TCF7L2: variants seen among roughly 807,000 people sequenced by gnomAD.
The protein encoded by TCF7L2 is transcription factor 7-like 2.
A neutral mutation model predicts 77.9 loss-of-function variants in TCF7L2; 23 were observed. That is an observed-to-expected ratio of 0.30 (90% confidence interval 0.21 to 0.42). The LOEUF is 0.42. TCF7L2 is among the 10% of genes least tolerant of loss of function. The probability of loss-of-function intolerance (pLI) is 1.00; values close to 1 mark genes in which losing one functional copy is unlikely to be tolerated. For missense variants in TCF7L2, 654 were observed against 793.1 expected (o/e 0.82, Z 2.11); for synonymous variants, 413 against 340.2 (o/e 1.21, Z -2.36).
At chr10:113,002,322 G>A (rs2044635280) in intron 4 of TCF7L2, among the ~76,000 whole-genome samples, 1 of 152,120 alleles carries the variant, frequency 6.6e-6, no homozygotes, top group South Asian at 2.1e-4. Context: ...GTTTAGGTCG[G>A]CGGTTTTCAA....
At chr10:113,107,009 T>C (rs2062410766) in intron 5 of TCF7L2, among the ~76,000 whole-genome samples, 1 of 152,250 alleles carries the variant, frequency 6.6e-6, no homozygotes, top group Non-Finnish European at 1.5e-5. Context: ...ACTGGTTTTA[T>C]AATTTTTGCG....
chr10:112,965,154 C>A (rs1274736212), intron 4 of TCF7L2, among the ~76,000 whole-genome samples: 3 of 152,090 alleles, frequency 2.0e-5, no homozygotes, highest in African/African-American at 7.2e-5. Flanking sequence ...ACCTGATCAT[C>A]CTGAAATGTT....
intron 4 of TCF7L2, among the ~76,000 whole-genome samples, chr10:112,994,338 G>T (rs1292833806): frequency 6.6e-6 from 1 of 152,128 alleles, no homozygotes; most frequent in East Asian, 1.9e-4. Context: ...ATGGGCTTTT[G>T]TGTCTGTCTG....
intron 6 of TCF7L2, among the ~76,000 whole-genome samples, chr10:113,142,793 G>C (rs2068613096): frequency 6.6e-6 from 1 of 152,174 alleles, no homozygotes; most frequent in Non-Finnish European, 1.5e-5. Context: ...GCTTTTAAAT[G>C]GTTATCGTAA....
intron 5 of TCF7L2, among the ~76,000 whole-genome samples, chr10:113,107,752 T>TAAAAAAAAAAAAAAAAA (rs398014821): frequency 1.8e-4 from 10 of 55,246 alleles, no homozygotes; most frequent in Admixed American, 2.4e-4. Context: ...AGACTCCGTC[T>TAAAAAAAAAAAAAAAAA]AAAAAAAAAA....
At chr10:113,021,312 T>C (rs1564793125) in intron 4 of TCF7L2, among the ~76,000 whole-genome samples, 1 of 152,186 alleles carries the variant, frequency 6.6e-6, no homozygotes, top group Admixed American at 6.5e-5. Context: ...CTGCTACTTA[T>C]TATTGTTTTC....
rs1357472796 is a variant in TCF7L2, at chr10:112,964,609, C to G, written c.435C>G (p.His145Gln). 6.2e-7 allele frequency: 1 copy of G among 1,613,040 alleles called. No homozygotes were observed. The highest frequency in any genetic ancestry group is 2.2e-5 in the East Asian group (1 of 44,854). ...ACTCTGCGTACAAAACGATTGAACA[C>G]CAGATTGCAGTTCAGGTAGGAAACG... Residue 145 changes from histidine to glutamine, a missense_variant, in exon 4 of 14, where the codon CAC (histidine) becomes CAG (glutamine). Coordinates refer to ENST00000627217, the MANE Select transcript of TCF7L2 (RefSeq NM_001146274.2).
intron 4 of TCF7L2, among the ~76,000 whole-genome samples, chr10:112,980,561 C>T (rs2040278627): frequency 6.6e-6 from 1 of 152,110 alleles, no homozygotes; most frequent in South Asian, 2.1e-4. Flanking sequence ...AAACAAACCT[C>T]CCCTGCTTCC....
chr10:113,014,567 G>A (rs374354033), intron 4 of TCF7L2, among the ~76,000 whole-genome samples: 15 of 151,562 alleles, frequency 9.9e-5, no homozygotes, highest in Middle Eastern at 3.4e-3. Flanking sequence ...CCGAGGGGGC[G>A]CGGATCACCT....
intron 4 of TCF7L2, among the ~76,000 whole-genome samples, chr10:112,994,174 A>ACACC (rs1053851493): frequency 6.6e-6 from 1 of 152,088 alleles, no homozygotes; most frequent in Non-Finnish European, 1.5e-5. Context: ...GCAGTCATCC[A>ACACC]CACCCTCTAA....
chr10:113,006,116 T>C (rs1369350306), intron 4 of TCF7L2, among the ~76,000 whole-genome samples: 2 of 152,194 alleles, frequency 1.3e-5, no homozygotes, highest in African/African-American at 4.8e-5. Context: ...TGATTCCTTT[T>C]AGAGACTTTT....
At chr10:112,961,828 T>TG (rs1189441089) in intron 3 of TCF7L2, among the ~76,000 whole-genome samples, 4 of 20,042 alleles carry the variant, frequency 2.0e-4, no homozygotes, top group African/African-American at 6.2e-4. Flanking sequence ...GTTACGTGGC[T>TG]GGGGGGTGGG....
rs2074056253 is a variant in TCF7L2, at chr10:113,166,679, T to A, written c.*707T>A. 4.3e-6 allele frequency: 1 copy of A among 230,984 alleles called. No homozygotes were observed. The highest frequency in any genetic ancestry group is 2.2e-5 in the African/African-American group (1 of 45,226). 14.3% of individuals were successfully genotyped at this position (230,984 alleles called of 1,614,324 possible). A position where few individuals can be genotyped will look rare whatever the true frequency, so the allele number is the denominator to read the frequency against. ...GTCGTACCTGTATGTCGTCCCTTTT[T>A]AAATATGTTTTCCTTTTTCTTGAAA... On this transcript the variant is annotated 3_prime_UTR_variant, in exon 14 of 14. Transcript: ENST00000627217.
At chr10:113,093,335 T>A (rs1564884653) in intron 5 of TCF7L2, among the ~76,000 whole-genome samples, 1 of 152,236 alleles carries the variant, frequency 6.6e-6, no homozygotes, top group East Asian at 1.9e-4. Context: ...GCTATAAAAA[T>A]TGCTGGGAAT....
chr10:113,016,905 G>A (rs992966168), intron 4 of TCF7L2, among the ~76,000 whole-genome samples: 4 of 152,240 alleles, frequency 2.6e-5, no homozygotes, highest in Admixed American at 6.5e-5. Context: ...AGCTTCTGCT[G>A]CCTGGCAGTT....
At chr10:113,123,451 T>C (rs944057679) in intron 5 of TCF7L2, among the ~76,000 whole-genome samples, 4 of 152,244 alleles carry the variant, frequency 2.6e-5, no homozygotes, top group Admixed American at 2.6e-4. Context: ...TATGTGTGTT[T>C]ACACATGTCT....
At chr10:113,087,276 G>T (rs1294914754) in intron 5 of TCF7L2, among the ~76,000 whole-genome samples, 1 of 152,226 alleles carries the variant, frequency 6.6e-6, no homozygotes, top group Non-Finnish European at 1.5e-5. Context: ...AGACCATGTG[G>T]TCTGTGGCAA....
intron 5 of TCF7L2, among the ~76,000 whole-genome samples, chr10:113,060,672 G>A (rs947793856): frequency 2.0e-5 from 3 of 152,068 alleles, no homozygotes; most frequent in East Asian, 3.9e-4. Context: ...CAGCCATACC[G>A]AAAAGAGCAG....
At chr10:113,150,236 A>T (rs915071383) in intron 8 of TCF7L2, among the ~76,000 whole-genome samples, 1 of 152,188 alleles carries the variant, frequency 6.6e-6, no homozygotes, top group African/African-American at 2.4e-5. Flanking sequence ...AGTAAAAGTG[A>T]TATAGGAATC....
Sources: gnomAD v4.1 joint callset for allele counts (sites outside exome capture counted in the v4.1 genomes callset) on GRCh38, gnomAD v4.1.1 for gene constraint, MANE v1.5 for transcripts, NCBI Gene and HGNC (gene_info 2026-07-23, HGNC 2026-07-21) for gene names.